The following TMED7 variants were observed in gnomAD, a reference collection of about 807,000 sequenced individuals.
TMED7 encodes the protein transmembrane emp24 domain-containing protein 7.
A neutral mutation model predicts 23.4 loss-of-function variants in TMED7; 8 were observed. The observed-to-expected ratio is 0.34, with a 90% CI of 0.20 to 0.62. The LOEUF (loss-of-function observed/expected upper bound fraction) is 0.62. Ranked by LOEUF, TMED7 falls within the 20% of genes least tolerant of loss-of-function variation. The pLI, the probability that TMED7 is intolerant of heterozygous loss-of-function variation, is 0.77. For missense variants in TMED7, 232 were observed against 279.1 expected, an observed-to-expected ratio of 0.83 and a Z score of 1.20; for synonymous variants, 121 against 108.5, an observed-to-expected ratio of 1.12 and a Z score of -0.72.
chr5:115,615,958 CG>C lies in TMED7; in HGVS notation c.*250del, dbSNP rs1756717859. ...TGCGAAGAGTAGATATAAACAACTG[CG>C]AACAGAGTAGATCATTGGTGTTGAA... is the stretch of plus-strand genomic sequence containing the variant. On this transcript the variant is annotated 3_prime_UTR_variant, in exon 3 of 3. Coordinates refer to ENST00000456936, the MANE Select transcript of TMED7 (RefSeq NM_181836.6). The C allele has an allele frequency of 6.1e-6, 3 of 488,656 alleles. No individual in the cohort carries two copies. In the East Asian group the frequency reaches 1.0e-4, roughly 17 times the overall value. The allele number at this position is 488,656 out of a possible 1,614,324, so 30.3% of individuals were successfully genotyped here. A position where few individuals can be genotyped will look rare whatever the true frequency, so the allele number is the denominator to read the frequency against.
chr5:115,618,061 G>A (rs1164556662), intron 2 of TMED7, among the ~76,000 whole-genome samples: 2 of 152,142 alleles, frequency 1.3e-5, no homozygotes, highest in Non-Finnish European at 2.9e-5. Flanking sequence ...CAAAGTGCTG[G>A]GATTACAGGC....
chr5:115,621,995 G>A (rs1757046541), intron 1 of TMED7, among the ~76,000 whole-genome samples: 1 of 152,120 alleles, frequency 6.6e-6, no homozygotes, highest in Non-Finnish European at 1.5e-5. Flanking sequence ...ATGCACTTAT[G>A]AAACTGTAAA....
Position 115,615,924 on chromosome 5 carries a change from A to C in TMED7, c.*285T>G, listed in dbSNP as rs553252659. 1 of 361,266 alleles carries C rather than the reference A, an allele frequency of 2.8e-6. No individual in the cohort carries two copies. Among genetic ancestry groups the C allele is most frequent in the South Asian group, 4.5e-5 (1 of 21,998 alleles). The allele number at this position is 361,266 out of a possible 1,614,324, so 22.4% of individuals were successfully genotyped here. ...TGGTTAAAAGGAATCAAAATACCAA[A>C]GTTTAGTGTGCGAAGAGTAGATATA... On this transcript the variant is annotated 3_prime_UTR_variant, in exon 3 of 3. Coordinates refer to ENST00000456936, the MANE Select transcript of TMED7 (RefSeq NM_181836.6).
At position 115,620,819 on chromosome 5, in the gene TMED7, G is replaced by C. The variant is rs114241155; in HGVS notation, c.193-139C>G. ...CTTTTTAAATTTTCACCAGTGGATGGAACTTGGGAGATTTTACTTCAACTA... is the reference window on the plus strand; with the variant it reads ...CTTTTTAAATTTTCACCAGTGGATGCAACTTGGGAGATTTTACTTCAACTA... On this transcript the variant is annotated intron_variant, in intron 1 of 2. Coordinates refer to ENST00000456936, the MANE Select transcript of TMED7 (RefSeq NM_181836.6). 4.7e-4 allele frequency: 512 copies of C among 1,079,778 alleles called. 1 individual carries two copies. The African/African-American group carries it at 7.7e-3, about 16-fold the overall frequency. 66.9% of individuals were successfully genotyped at this position (1,079,778 alleles called of 1,614,324 possible).
At chr5:115,620,404 C>T in intron 2 of TMED7, 31 bp downstream of exon 2, 1 of 1,460,232 alleles carries the variant, frequency 6.8e-7, no homozygotes, top group Non-Finnish European at 9.0e-7. Context: ...TTTAAATATA[C>T]CAACATTATA....
At position 115,625,733 on chromosome 5, in the gene TMED7, C is replaced by T; in HGVS notation, c.60G>A (p.Arg20=). The change falls in exon 1 of 3, where the codon AGG becomes AGA. Residue 20 remains arginine, a synonymous_variant. Transcript: ENST00000456936. ...WAAVAGRWGC[R]LLALLLLVPG... ...GCACCAGTAGCAGCAGTGCGAGCAG[C>T]CTGCACCCCCAACGGCCCGCGACGG... 5 of 1,576,322 alleles carry T rather than the reference C, an allele frequency of 3.2e-6. No individual in the cohort carries two copies. The highest frequency in any genetic ancestry group is 4.3e-6 in the Non-Finnish European group (5 of 1,163,924).
intron 1 of TMED7, among the ~76,000 whole-genome samples, chr5:115,622,672 T>C (rs902622201): frequency 2.0e-5 from 3 of 152,190 alleles, no homozygotes; most frequent in Admixed American, 2.0e-4. Context: ...CTCCCCATCT[T>C]TCCTCATTCC....
At chr5:115,624,391 T>C (rs1757133555) in intron 1 of TMED7, among the ~76,000 whole-genome samples, 2 of 152,178 alleles carry the variant, frequency 1.3e-5, no homozygotes, top group African/African-American at 4.8e-5. Context: ...GCTATCACTC[T>C]ACTCTAAGCC....
rs149251542 is a variant in TMED7, at chr5:115,622,469, C to T, written c.193-1789G>A. Among the ~76,000 whole-genome samples the T allele has an allele frequency of 3.2e-3, 495 of 152,312 alleles. 2 individuals carry two copies. The highest frequency in any genetic ancestry group is 5.6e-3 in the Non-Finnish European group (381 of 68,030). ...GTCTTCCCACTACCCAATATCTTCT[C>T]CCTCGAACTCAGGGTTTCTCAACCT... On this transcript the variant is annotated intron_variant, in intron 1 of 2. Coordinates refer to ENST00000456936, the MANE Select transcript of TMED7 (RefSeq NM_181836.6).
At chr5:115,617,869 C>T (rs950056911) in intron 2 of TMED7, among the ~76,000 whole-genome samples, 1 of 152,192 alleles carries the variant, frequency 6.6e-6, no homozygotes, top group African/African-American at 2.4e-5. Flanking sequence ...TCTTGGCTCA[C>T]TGCAACTTCC....
In TMED7 at chr5:115,613,502, G is replaced by C. The variant is rs999019552; in HGVS notation, c.*2707C>G. ...ATCCTGACAGAAACAAGTAAAGTCA[G>C]TTTGTTGAAAGATTTTTTTTTATTC... On this transcript the variant is annotated 3_prime_UTR_variant, in exon 3 of 3. Transcript: ENST00000456936. 8.5e-5 allele frequency: 13 copies of C among 152,222 alleles called. No individual in the cohort carries two copies. The highest frequency in any genetic ancestry group is 3.4e-3 in the Middle Eastern group (1 of 294). 9.4% of individuals were successfully genotyped at this position (152,222 alleles called of 1,614,324 possible).
intron 2 of TMED7, chr5:115,619,338 T>G (rs538262957): frequency 6.6e-6 from 1 of 152,312 alleles, no homozygotes; most frequent in South Asian, 2.1e-4. Context: ...GAATTAAGGC[T>G]TTTACACATT....
In TMED7 at chr5:115,625,702, G is replaced by C. The variant is rs150711988; in HGVS notation, c.91C>G (p.Pro31Ala). The change falls in exon 1 of 3, where the codon CCC becomes GCC. Residue 31 changes from proline to alanine, a missense_variant. By Grantham distance (27) the Pro-to-Ala change is conservative. Transcript: ENST00000456936. ...AAGGTGATCTCAGAGGCGCCGCCGG[G>C]TCCAGGCACCAGTAGCAGCAGTGCG... ...LLALLLLVPG[P>A]GGASEITFEL... 8 of 1,603,014 alleles carry C rather than the reference G, an allele frequency of 5.0e-6. No homozygotes were observed. The highest frequency in any genetic ancestry group is 2.7e-5 in the African/African-American group (2 of 73,722).
In TMED7 at chr5:115,616,250, A is replaced by G; in HGVS notation, c.634T>C (p.Phe212Leu). The change falls in exon 3 of 3, where the codon TTC becomes CTC. Residue 212 changes from phenylalanine (F) to leucine (L), a missense_variant. Transcript: ENST00000456936. ...GTTGTGGTGGTTCTTTTATCTGAGA[A>G]AAAGCTTTTCAAAAGAAATACCTGC... is the stretch of plus-strand genomic sequence containing the variant. ...IGQVFLLKSF[F>L]SDKRTTTTRV... 1 of 1,614,164 alleles carries G rather than the reference A, an allele frequency of 6.2e-7. No individual in the cohort carries two copies. Among genetic ancestry groups the G allele is most frequent in the Non-Finnish European group, 8.5e-7 (1 of 1,179,996 alleles).
At chr5:115,618,293 C>A (rs1481478265) in intron 2 of TMED7, among the ~76,000 whole-genome samples, 2 of 152,156 alleles carry the variant, frequency 1.3e-5, no homozygotes, top group African/African-American at 4.8e-5. Flanking sequence ...TACTTTATTT[C>A]TAAAAGATAA....
chr5:115,621,542 A>G (rs1056838935), intron 1 of TMED7, among the ~76,000 whole-genome samples: 4 of 152,240 alleles, frequency 2.6e-5, no homozygotes, highest in Admixed American at 6.5e-5. Context: ...GAGGTAGGTG[A>G]TATGAGTCTG....
chr5:115,614,291 A>C lies in TMED7; in HGVS notation c.*1918T>G, dbSNP rs1412567100. 1.3e-5 allele frequency: 2 copies of C among 152,338 alleles called. No individual in the cohort carries two copies. The highest frequency in any genetic ancestry group is 4.8e-5 in the African/African-American group (2 of 41,448). The allele number at this position is 152,338 out of a possible 1,614,324, so 9.4% of individuals were successfully genotyped here. On this transcript the variant is annotated 3_prime_UTR_variant, in exon 3 of 3. Transcript: ENST00000456936. ...GTTTCACCAAAAATTATTTGTGGTA[A>C]TATGCTAATATTCTGAAGTTTTGAG...
At chr5:115,624,234 C>A (rs1045940106) in intron 1 of TMED7, among the ~76,000 whole-genome samples, 1 of 152,102 alleles carries the variant, frequency 6.6e-6, no homozygotes, top group Non-Finnish European at 1.5e-5. Flanking sequence ...CTTTTCTGTC[C>A]CCTGGTGCTA....
At chr5:115,624,333 C>G (rs2112579429) in intron 1 of TMED7, among the ~76,000 whole-genome samples, 1 of 152,228 alleles carries the variant, frequency 6.6e-6, no homozygotes, top group East Asian at 1.9e-4. Flanking sequence ...CCTGTTGATT[C>G]TACCTACTAC....
Sources: allele counts gnomAD v4.1 joint callset (sites outside exome capture counted in the v4.1 genomes callset), GRCh38; gene constraint gnomAD v4.1.1; transcripts MANE v1.5; gene names NCBI Gene and HGNC (gene_info 2026-07-23, HGNC 2026-07-21).